KAZN: variants seen among roughly 807,000 people sequenced by gnomAD.
The protein encoded by KAZN is kazrin.
In KAZN, 40 loss-of-function variants were observed where a neutral mutation model predicts 87.4. The ratio of observed to expected loss-of-function variants is 0.46; its 90% CI spans 0.36 to 0.60. KAZN has a LOEUF of 0.60. KAZN is among the 20% of genes least tolerant of loss of function. The pLI is 0.00. For synonymous variants in KAZN, 466 were observed against 458.3 expected (o/e 1.02, Z -0.22); for missense variants, 898 against 1,073.9 (o/e 0.84, Z 2.29).
intron 2 of KAZN, among the ~76,000 whole-genome samples, chr1:14,385,237 A>C (rs1371843258): frequency 9.2e-5 from 14 of 151,730 alleles, no homozygotes. Context: ...CGGTCTATTA[A>C]TTTTGTTGAT....
intron 2 of KAZN, among the ~76,000 whole-genome samples, chr1:14,369,453 G>A (rs565374916): frequency 6.6e-6 from 1 of 152,310 alleles, no homozygotes; most frequent in African/African-American, 2.4e-5. Flanking sequence ...CCGCTTCAAA[G>A]AAGGAGCCTT....
chr1:15,110,129 G>T (rs1641478025), intron 13 of KAZN, among the ~76,000 whole-genome samples: 2 of 150,656 alleles, frequency 1.3e-5, no homozygotes, highest in Non-Finnish European at 3.0e-5. Flanking sequence ...ATTTGTGTAT[G>T]TGTCTGTGTA....
At chr1:14,492,779 T>C (rs1176948852) in intron 2 of KAZN, among the ~76,000 whole-genome samples, 1 of 32,130 alleles carries the variant, frequency 3.1e-5, no homozygotes, top group African/African-American at 1.2e-4. Flanking sequence ...ACACCACACG[T>C]GCACACACAT....
intron 8 of KAZN, among the ~76,000 whole-genome samples, chr1:15,088,950 C>A (rs572402366): frequency 6.6e-6 from 1 of 152,182 alleles, no homozygotes; most frequent in Non-Finnish European, 1.5e-5. Context: ...CTGCTCACTA[C>A]AGAAAATAAA....
At chr1:14,309,029 T>C (rs1027255728) in intron 2 of KAZN, among the ~76,000 whole-genome samples, 2 of 152,126 alleles carry the variant, frequency 1.3e-5, no homozygotes, top group Non-Finnish European at 2.9e-5. Context: ...ATGTGTGGAG[T>C]CTCATTGCTA....
intron 1 of KAZN, among the ~76,000 whole-genome samples, chr1:14,686,731 C>G (rs1356949751): frequency 6.6e-6 from 1 of 152,210 alleles, no homozygotes. Flanking sequence ...TCTCAGAGAC[C>G]TCTGTACCTC....
intron 1 of KAZN, among the ~76,000 whole-genome samples, chr1:14,808,897 C>T (rs891220517): frequency 6.6e-6 from 1 of 152,098 alleles, no homozygotes; most frequent in Non-Finnish European, 1.5e-5. Context: ...ACTGGAGAAG[C>T]CTTCCCTCAT....
At chr1:14,767,518 T>C (rs1439992327) in intron 1 of KAZN, among the ~76,000 whole-genome samples, 2 of 152,214 alleles carry the variant, frequency 1.3e-5, no homozygotes, top group African/African-American at 4.8e-5. Context: ...ACTGGGTGCT[T>C]TCCCCATTGG....
At chr1:14,047,374 CT>C (rs1314391701) in intron 1 of KAZN, among the ~76,000 whole-genome samples, 1 of 152,182 alleles carries the variant, frequency 6.6e-6, no homozygotes, top group Non-Finnish European at 1.5e-5. Flanking sequence ...GATCTGGGTC[CT>C]CCTTGACCTC....
chr1:14,366,934 G>A (rs1385851773), intron 2 of KAZN, among the ~76,000 whole-genome samples: 1 of 152,178 alleles, frequency 6.6e-6, no homozygotes, highest in Non-Finnish European at 1.5e-5. Context: ...GGATCTTATT[G>A]CCAATGAAAA....
intron 2 of KAZN, among the ~76,000 whole-genome samples, chr1:15,010,386 C>CTT (rs34697316): frequency 7.7e-4 from 60 of 78,190 alleles, no homozygotes; most frequent in East Asian, 2.2e-3. Context: ...GGTTGTCTTG[C>CTT]TTTTTTTTTT....
At chr1:14,347,787 C>T (rs1238009181) in intron 2 of KAZN, among the ~76,000 whole-genome samples, 5 of 151,994 alleles carry the variant, frequency 3.3e-5, no homozygotes, top group African/African-American at 7.2e-5. Context: ...TCTGGATAGT[C>T]GAACTACAGA....
intron 2 of KAZN, among the ~76,000 whole-genome samples, chr1:15,027,429 C>T (rs894160779): frequency 6.6e-6 from 1 of 152,140 alleles, no homozygotes; most frequent in Admixed American, 6.5e-5. Context: ...GTTGGGAGAC[C>T]TCAGCTGACT....
At chr1:14,424,695 A>G (rs1665616850) in intron 2 of KAZN, among the ~76,000 whole-genome samples, 1 of 152,208 alleles carries the variant, frequency 6.6e-6, no homozygotes, top group Non-Finnish European at 1.5e-5. Flanking sequence ...TTTACATTGC[A>G]AAGAACCCAT....
intron 2 of KAZN, among the ~76,000 whole-genome samples, chr1:14,363,850 G>A (rs1255683266): frequency 1.3e-5 from 2 of 152,106 alleles, no homozygotes; most frequent in Non-Finnish European, 1.5e-5. Context: ...GGGTTTCTAC[G>A]GTCAAATAAT....
intron 1 of KAZN, among the ~76,000 whole-genome samples, chr1:14,928,112 G>A (rs934478463): frequency 1.3e-5 from 2 of 152,238 alleles, no homozygotes; most frequent in Non-Finnish European, 1.5e-5. Flanking sequence ...CCAGACCGTA[G>A]ACCTCAGCAG....
chr1:14,346,798 T>C (rs1658140172), intron 2 of KAZN, among the ~76,000 whole-genome samples: 1 of 152,170 alleles, frequency 6.6e-6, no homozygotes, highest in African/African-American at 2.4e-5. Flanking sequence ...GGTGGCACTA[T>C]ATAATACCAA....
intron 2 of KAZN, among the ~76,000 whole-genome samples, chr1:14,989,685 T>G (rs778680187): frequency 2.0e-5 from 3 of 152,118 alleles, no homozygotes; most frequent in African/African-American, 4.8e-5. Flanking sequence ...GGGGTAGTAG[T>G]AGAACCTGCC....
rs552622179 is a variant in KAZN, at chr1:14,996,623, G to A, written c.418+35748G>A. Among the ~76,000 whole-genome samples, 36 of 152,216 alleles carry A rather than the reference G, an allele frequency of 2.4e-4. No homozygotes were observed. Among genetic ancestry groups the A allele is most frequent in the Non-Finnish European group, 4.4e-4 (30 of 68,028 alleles). ...CTGCCGCCAGCACCCTCCCACGGGC[G>A]TGCAGATCTGACAAGATCAGGATCT... On this transcript the variant is annotated intron_variant, in intron 2 of 14. Transcript: ENST00000376030. The surrounding 1 kb of genome is among the most constrained non-coding windows in gnomAD (Gnocchi z 5.9).
Sources: gnomAD v4.1 joint callset for allele counts (sites outside exome capture counted in the v4.1 genomes callset) on GRCh38, gnomAD v4.1.1 for gene constraint, Gnocchi (gnomAD v3.1) non-coding constraint, MANE v1.5 for transcripts, NCBI Gene and HGNC (gene_info 2026-07-23, HGNC 2026-07-21) for gene names.